NOMO3: variants seen among roughly 807,000 people sequenced by gnomAD.
NOMO3 encodes BOS complex subunit NOMO3.
In NOMO3, 15 loss-of-function variants were observed where a neutral mutation model predicts 69.9. That is an observed-to-expected ratio of 0.21 (90% CI 0.14 to 0.33). The LOEUF is 0.33. Among genes scored for constraint, NOMO3 ranks in the 10% least tolerant of loss-of-function variants. NOMO3 has a pLI of 1.00. For missense variants in NOMO3, 218 were observed against 761.0 expected (o/e 0.29, Z 8.39); for synonymous variants, 89 against 301.9 (o/e 0.29, Z 7.31).
intron 4 of NOMO3, 28 bp downstream of exon 4, chr16:16,243,289 C>T: frequency 1.5e-6 from 1 of 663,890 alleles, no homozygotes; most frequent in East Asian, 3.2e-5. Flanking sequence ...GATTATTTTT[C>T]CTGTTCACTC....
chr16:16,239,098 A>G (rs1315308038), intron 2 of NOMO3, among the ~76,000 whole-genome samples: 2 of 142,610 alleles, frequency 1.4e-5, no homozygotes, highest in Non-Finnish European at 3.0e-5. Flanking sequence ...AACTAAAACA[A>G]AAACAGAAAC....
At position 16,250,365 on chromosome 16, in the gene NOMO3, G is replaced by A. The variant is rs921091240; in HGVS notation, c.583-563G>A. The stretch of plus-strand genomic sequence containing the variant: ...CATTAAAAAAATTGGAACATATAGA[G>A]GAATATAAAGCAGTGGAAACAAATT... On this transcript the variant is annotated intron_variant, in intron 6 of 30. Coordinates refer to ENST00000399336, the MANE Select transcript of NOMO3 (RefSeq NM_001004067.4). Among the ~76,000 whole-genome samples the A allele has an allele frequency of 1.4e-4, 14 of 102,784 alleles. 2 individuals carry two copies. The highest frequency in any genetic ancestry group is 6.8e-4 in the African/African-American group (14 of 20,588). The allele number at this position is 102,784 out of a possible 152,430, so 67.4% of individuals were successfully genotyped here. A position where few individuals can be genotyped will look rare whatever the true frequency, so the allele number is the denominator to read the frequency against.
chr16:16,232,807 G>A lies in NOMO3; in HGVS notation c.141G>A (p.Val47=). The change falls in exon 1 of 31, where the codon GTG becomes GTA. Residue 47 remains valine, a synonymous_variant. Coordinates refer to ENST00000399336, the MANE Select transcript of NOMO3 (RefSeq NM_001004067.4). ...VGCGGFVKSD[V]EINYSLIEIK... ...GCGGTGGCTTCGTCAAGTCGGACGT[G>A]GAGATCAACTACTCTCTCATCGAGG... 2.0e-6 allele frequency: 1 copy of A among 499,666 alleles called. No homozygotes were observed. The highest frequency in any genetic ancestry group is 2.8e-6 in the Non-Finnish European group (1 of 354,280). 31.0% of individuals were successfully genotyped at this position (499,666 alleles called of 1,614,324 possible). A position where few individuals can be genotyped will look rare whatever the true frequency, so the allele number is the denominator to read the frequency against.
intron 16 of NOMO3, among the ~76,000 whole-genome samples, chr16:16,267,559 C>T (rs373835532): frequency 0.042 from 5,985 of 141,848 alleles, 776 homozygotes; most frequent in African/African-American, 0.082. Flanking sequence ...CTCAGCCTCT[C>T]GAGTAGCTGG....
At chr16:16,233,508 T>G (rs2049299510) in intron 1 of NOMO3, among the ~76,000 whole-genome samples, 1 of 126,482 alleles carries the variant, frequency 7.9e-6, no homozygotes, top group African/African-American at 3.0e-5. Context: ...GAAGGTTTTT[T>G]TTTTTTTTTT....
chr16:16,259,299 A>G (rs1433158850), intron 11 of NOMO3, among the ~76,000 whole-genome samples: 3 of 144,426 alleles, frequency 2.1e-5, no homozygotes, highest in Non-Finnish European at 4.4e-5. Context: ...TAATTGGCCG[A>G]TGTAGTACAT....
chr16:16,249,513 T>G (rs1185665858), intron 6 of NOMO3, among the ~76,000 whole-genome samples: 1,987 of 126,156 alleles, frequency 0.016, 54 homozygotes, highest in Middle Eastern at 0.027. Context: ...ACCTGGGAGG[T>G]GGAGGTAGCA....
intron 15 of NOMO3, 152 bp downstream of exon 15, chr16:16,265,331 A>G: frequency 1.4e-6 from 2 of 1,464,858 alleles, no homozygotes; most frequent in Non-Finnish European, 1.8e-6. Flanking sequence ...ACGCATAATC[A>G]GGAAGCATTT....
intron 2 of NOMO3, among the ~76,000 whole-genome samples, chr16:16,237,808 C>T (rs1171235630): frequency 4.2e-5 from 6 of 144,492 alleles, no homozygotes; most frequent in Non-Finnish European, 5.9e-5. Context: ...CCTCAGCCTC[C>T]CAAAGTGCTG....
At chr16:16,245,554 A>C (rs1596801995) in intron 5 of NOMO3, among the ~76,000 whole-genome samples, 1 of 136,216 alleles carries the variant, frequency 7.3e-6, no homozygotes, top group Non-Finnish European at 1.5e-5. Context: ...TATCAAGTAG[A>C]GTCCCATGGG....
chr16:16,269,138 G>A (rs1319916909), intron 16 of NOMO3, among the ~76,000 whole-genome samples: 1 of 144,146 alleles, frequency 6.9e-6, no homozygotes, highest in Non-Finnish European at 1.5e-5. Flanking sequence ...TTACCCATCA[G>A]TTCAGTATTG....
intron 18 of NOMO3, among the ~76,000 whole-genome samples, chr16:16,272,107 C>T (rs1204926103): frequency 1.5e-5 from 2 of 130,666 alleles, no homozygotes. Context: ...TGTCTCCCTG[C>T]TTGGAAAGTA....
chr16:16,238,244 T>C (rs1278233186), intron 2 of NOMO3, among the ~76,000 whole-genome samples: 12 of 139,312 alleles, frequency 8.6e-5, no homozygotes, highest in Admixed American at 1.4e-4. Flanking sequence ...CTTTTTTTTT[T>C]TTTTTTGAGA....
intron 6 of NOMO3, among the ~76,000 whole-genome samples, chr16:16,249,713 AT>A (rs1294419249): frequency 1.4e-5 from 2 of 143,834 alleles, no homozygotes; most frequent in African/African-American, 5.7e-5. Flanking sequence ...TGAGATTGGG[AT>A]TTTCAAGTAA....
At chr16:16,267,929 T>A (rs577835624) in intron 16 of NOMO3, among the ~76,000 whole-genome samples, 1 of 130,832 alleles carries the variant, frequency 7.6e-6, no homozygotes, top group East Asian at 2.6e-4. Flanking sequence ...TCCCTGTTTC[T>A]AGCCATGGCC....
At position 16,262,962 on chromosome 16, in the gene NOMO3, G is replaced by A. The variant is rs540619662; in HGVS notation, c.1396-112G>A. On this transcript the variant is annotated intron_variant, in intron 12 of 30. Transcript: ENST00000399336. ...AAAATCAGCCTGGAAACGAACCTTT[G>A]GCCTTCAAAATCTCTTTAGCCTTGG... The A allele has an allele frequency of 1.4e-4, 213 of 1,505,424 alleles. 40 individuals are homozygous for A. In the African/African-American group the frequency reaches 3.4e-3, roughly 24 times the overall value. The allele number at this position is 1,505,424 out of a possible 1,614,324, so 93.3% of individuals were successfully genotyped here.
intron 16 of NOMO3, among the ~76,000 whole-genome samples, chr16:16,269,281 C>T (rs1025722520): frequency 7.0e-6 from 1 of 141,940 alleles, no homozygotes; most frequent in Non-Finnish European, 1.5e-5. Context: ...CTCCCCCTCT[C>T]TGTGGATGGT....
chr16:16,264,064 TAA>T (rs2141259479), intron 14 of NOMO3, among the ~76,000 whole-genome samples: 1 of 115,466 alleles, frequency 8.7e-6, no homozygotes, highest in African/African-American at 3.2e-5. Flanking sequence ...CTGCAGAATA[TAA>T]GACTAAAAGA....
chr16:16,238,357 C>A (rs2049347500), intron 2 of NOMO3, among the ~76,000 whole-genome samples: 1 of 136,800 alleles, frequency 7.3e-6, no homozygotes, highest in South Asian at 2.4e-4. Context: ...CTCAGCCTCC[C>A]AAGTAGCTGG....
Sources: gnomAD v4.1 joint callset for allele counts (sites outside exome capture counted in the v4.1 genomes callset) on GRCh38, gnomAD v4.1.1 for gene constraint, MANE v1.5 for transcripts, NCBI Gene and HGNC (gene_info 2026-07-23, HGNC 2026-07-21) for gene names.